CDH18: variants seen among roughly 807,000 people sequenced by gnomAD.
CDH18 encodes cadherin-18.
A neutral mutation model predicts 67.9 loss-of-function variants in CDH18; 31 were observed. The observed-to-expected ratio is 0.46, with a 90% CI of 0.34 to 0.62. The LOEUF (loss-of-function observed/expected upper bound fraction) is 0.62. Among genes scored for constraint, CDH18 ranks in the 20% least tolerant of loss-of-function variants. The pLI, the probability that CDH18 is intolerant of heterozygous loss-of-function variation, is 0.01. For missense variants in CDH18, 890 were observed against 975.5 expected, an observed-to-expected ratio of 0.91 and a Z score of 1.17; for synonymous variants, 362 against 347.2, an observed-to-expected ratio of 1.04 and a Z score of -0.48.
intron 5 of CDH18, among the ~76,000 whole-genome samples, chr5:19,706,860 G>A (rs190084936): frequency 1.2e-4 from 18 of 152,234 alleles, no homozygotes; most frequent in Middle Eastern, 3.4e-3. Flanking sequence ...TAGGGACTAC[G>A]GGACTCCACA....
chr5:20,463,729 G>A (rs137932689), intron 1 of CDH18, among the ~76,000 whole-genome samples: 229 of 152,186 alleles, frequency 1.5e-3, no homozygotes, highest in African/African-American at 5.3e-3. Flanking sequence ...CCGTTAATAC[G>A]GGATTTGAAC....
At chr5:20,404,750 T>C (rs948124832) in intron 1 of CDH18, among the ~76,000 whole-genome samples, 4 of 152,140 alleles carry the variant, frequency 2.6e-5, no homozygotes, top group African/African-American at 7.2e-5. Flanking sequence ...TATGGAGATA[T>C]GAAGTGAGCA....
chr5:19,909,456 C>T (rs1029055414), intron 2 of CDH18, among the ~76,000 whole-genome samples: 1 of 151,718 alleles, frequency 6.6e-6, no homozygotes, highest in African/African-American at 2.4e-5. Flanking sequence ...CATGCCACCA[C>T]ACCTGGCTAA....
At chr5:20,140,402 C>T (rs574744205) in intron 2 of CDH18, among the ~76,000 whole-genome samples, 1 of 152,178 alleles carries the variant, frequency 6.6e-6, no homozygotes, top group East Asian at 1.9e-4. Flanking sequence ...ACCAACACAA[C>T]ACATGTACAC....
intron 1 of CDH18, among the ~76,000 whole-genome samples, chr5:20,491,292 A>G (rs1379912305): frequency 6.6e-6 from 1 of 151,910 alleles, no homozygotes; most frequent in Non-Finnish European, 1.5e-5. Flanking sequence ...TCCTGAGTTA[A>G]GCTACCAATT....
chr5:19,739,214 T>A (rs2150686767), intron 4 of CDH18, among the ~76,000 whole-genome samples: 1 of 152,342 alleles, frequency 6.6e-6, no homozygotes, highest in Admixed American at 6.5e-5. Flanking sequence ...GAGAATATCT[T>A]GCTTCAAGTG....
At chr5:20,257,382 C>T (rs187068054) in intron 1 of CDH18, among the ~76,000 whole-genome samples, 1 of 152,036 alleles carries the variant, frequency 6.6e-6, no homozygotes, top group Admixed American at 6.6e-5. Flanking sequence ...CATGTGGGGA[C>T]CTATTTATAC....
chr5:19,793,199 T>C (rs772739847), intron 3 of CDH18, among the ~76,000 whole-genome samples: 137 of 152,316 alleles, frequency 9.0e-4, no homozygotes, highest in Non-Finnish European at 1.7e-3. Context: ...GATAAAGGAA[T>C]CTAAGTTCAG....
At chr5:19,578,761 A>G (rs539925224) in intron 7 of CDH18, among the ~76,000 whole-genome samples, 12 of 151,586 alleles carry the variant, frequency 7.9e-5, no homozygotes, top group Non-Finnish European at 1.6e-4. Flanking sequence ...GTTCTTTCTC[A>G]TTATAGTTTT....
At chr5:19,897,748 C>T (rs1230922561) in intron 2 of CDH18, among the ~76,000 whole-genome samples, 2 of 151,800 alleles carry the variant, frequency 1.3e-5, no homozygotes, top group Non-Finnish European at 2.9e-5. Flanking sequence ...GAAATAATTA[C>T]AACTATATGC....
At chr5:20,216,473 G>A (rs893693328) in intron 2 of CDH18, among the ~76,000 whole-genome samples, 2 of 151,994 alleles carry the variant, frequency 1.3e-5, no homozygotes, top group African/African-American at 4.8e-5. Context: ...ATAAAAGTAG[G>A]AACCTGAAGA....
intron 5 of CDH18, among the ~76,000 whole-genome samples, chr5:19,690,634 CA>C (rs1761737431): frequency 6.6e-6 from 1 of 151,316 alleles, no homozygotes; most frequent in African/African-American, 2.4e-5. Context: ...CAAAAAAAAT[CA>C]GAGACAACAT....
chr5:20,439,095 C>A (rs1749402646), intron 1 of CDH18, among the ~76,000 whole-genome samples: 1 of 151,488 alleles, frequency 6.6e-6, no homozygotes, highest in Non-Finnish European at 1.5e-5. Flanking sequence ...AAAGTGCTCA[C>A]CTCCTGATTT....
rs185093499 is a variant in CDH18, at chr5:19,525,311, T to A, written c.1391-4533A>T. On this transcript the variant is annotated intron_variant, in intron 9 of 12. Coordinates refer to ENST00000382275, the MANE Select transcript of CDH18 (RefSeq NM_004934.5). Reference sequence around the variant, plus strand: ...TAAATCCTTCTGCTTCAACATAGACTCTGTCCATTATGACCCAATATTACT... The same window carrying A: ...TAAATCCTTCTGCTTCAACATAGACACTGTCCATTATGACCCAATATTACT... Among the ~76,000 whole-genome samples, 11 of 152,114 alleles carry A rather than the reference T, an allele frequency of 7.2e-5. 1 individual carries two copies. The highest frequency in any genetic ancestry group is 5.2e-4 in the Admixed American group (8 of 15,286).
intron 5 of CDH18, among the ~76,000 whole-genome samples, chr5:19,682,071 A>G (rs1056418045): frequency 1.3e-5 from 2 of 152,042 alleles, no homozygotes; most frequent in South Asian, 4.1e-4. Flanking sequence ...ACCATTTGGA[A>G]GCTATTATTT....
At chr5:19,637,134 C>CTTTCTTTCTTTCTTTCTT (rs1014125830) in intron 5 of CDH18, among the ~76,000 whole-genome samples, 2 of 150,168 alleles carry the variant, frequency 1.3e-5, no homozygotes, top group Non-Finnish European at 3.0e-5. Context: ...TTTTCTTTCT[C>CTTTCTTTCTTTCTTTCTT]TTTCTTTCTT....
At position 19,518,688 on chromosome 5, in the gene CDH18, G is replaced by C. The variant is rs886408654; in HGVS notation, c.1512+1969C>G. 2.6e-5 allele frequency among the ~76,000 whole-genome samples: 4 copies of C among 152,134 alleles called. No individual in the cohort carries two copies. In the South Asian group the frequency reaches 6.2e-4, roughly 24 times the overall value. On this transcript the variant is annotated intron_variant, in intron 10 of 12. Coordinates refer to ENST00000382275, the MANE Select transcript of CDH18 (RefSeq NM_004934.5). ...GACTTACACCAGTGGTTTACCAGGG[G>C]ATCTCAGTCCTTTGGCCACAGGCTG...
rs140943594 is a variant in CDH18, at chr5:20,206,477, T to C, written c.-518+48967A>G. 2.7e-3 allele frequency among the ~76,000 whole-genome samples: 418 copies of C among 152,096 alleles called. 3 individuals are homozygous for C. The highest frequency in any genetic ancestry group is 6.8e-3 in the Middle Eastern group (2 of 292). ...AAAGCTTGGAATATTTCCAAACTTA[T>C]TCAACGAGGTTAGTATTAACCTGAC... On this transcript the variant is annotated intron_variant, in intron 2 of 14. Coordinates refer to the CDH18 transcript ENST00000507958.
chr5:19,634,707 G>C (rs1022482963), intron 5 of CDH18, among the ~76,000 whole-genome samples: 7 of 152,062 alleles, frequency 4.6e-5, no homozygotes, highest in South Asian at 4.2e-4. Context: ...GAGCCTGAGG[G>C]TGGGTGGATC....
Sources: allele counts gnomAD v4.1 joint callset (sites outside exome capture counted in the v4.1 genomes callset), GRCh38; gene constraint gnomAD v4.1.1; transcripts MANE v1.5; gene names NCBI Gene and HGNC (gene_info 2026-07-23, HGNC 2026-07-21).